The following GHR variants were observed in gnomAD, a reference collection of about 807,000 sequenced individuals.
GHR encodes growth hormone receptor.
GHR carries 35 observed loss-of-function variants against 67.1 expected under a neutral mutation model. The ratio of observed to expected loss-of-function variants is 0.52; its 90% confidence interval spans 0.40 to 0.69. The LOEUF is 0.69. Among genes scored for constraint, GHR ranks in the 30% least tolerant of loss-of-function variants. GHR has a pLI of 0.00. For synonymous variants in GHR, 272 were observed against 269.1 expected, an observed-to-expected ratio of 1.01 and a Z score of -0.10; for missense variants, 792 against 764.6, an observed-to-expected ratio of 1.04 and a Z score of -0.42.
chr5:42,518,189 T>C (rs1456791714), intron 1 of GHR, among the ~76,000 whole-genome samples: 1 of 146,968 alleles, frequency 6.8e-6, no homozygotes, highest in Non-Finnish European at 1.5e-5. Flanking sequence ...TGATTAATGA[T>C]AGTATTAATA....
At chr5:42,688,246 T>C (rs534215568) in intron 3 of GHR, among the ~76,000 whole-genome samples, 6 of 152,338 alleles carry the variant, frequency 3.9e-5, no homozygotes, top group African/African-American at 1.2e-4. Flanking sequence ...ATGGTGTCCA[T>C]TTGCCACTAT....
rs533431497 is a variant in GHR at position 42,635,924 on chromosome 5, T to A, written c.136+6821T>A. ...TAATCTTAGAAGTGAGTAAAAAAAATTTTAGGCCAGACGCGGTGGCTCATG... is the reference window on the plus strand; with the variant it reads ...TAATCTTAGAAGTGAGTAAAAAAAAATTTAGGCCAGACGCGGTGGCTCATG... On this transcript the variant is annotated intron_variant, in intron 3 of 9. Transcript: ENST00000230882. Among the ~76,000 whole-genome samples the A allele has an allele frequency of 1.9e-3, 294 of 152,056 alleles. 1 individual carries two copies. The highest frequency in any genetic ancestry group is 8.7e-3 in the South Asian group (42 of 4,810).
intron 3 of GHR, among the ~76,000 whole-genome samples, chr5:42,663,287 AC>A (rs1396144177): frequency 2.0e-5 from 3 of 152,198 alleles, no homozygotes; most frequent in Admixed American, 6.5e-5. Flanking sequence ...CAGAGACACA[AC>A]CAAAAAAGAG....
At chr5:42,433,526 G>A (rs1743186470) in intron 1 of GHR, among the ~76,000 whole-genome samples, 1 of 151,938 alleles carries the variant, frequency 6.6e-6, no homozygotes, top group South Asian at 2.1e-4. Context: ...TTAGTACCAA[G>A]CATTCAAGCT....
intron 1 of GHR, among the ~76,000 whole-genome samples, chr5:42,509,046 G>A (rs554057431): frequency 6.6e-6 from 1 of 152,254 alleles, no homozygotes; most frequent in Admixed American, 6.5e-5. Context: ...TTTAGCAGCT[G>A]ACAACAAATA....
intron 8 of GHR, among the ~76,000 whole-genome samples, chr5:42,716,361 GA>G (rs1758723450): frequency 6.6e-6 from 1 of 152,168 alleles, no homozygotes; most frequent in Non-Finnish European, 1.5e-5. Context: ...AGGATTAAGT[GA>G]AATGTTTAGT....
At chr5:42,591,176 C>T (rs1236811339) in intron 2 of GHR, among the ~76,000 whole-genome samples, 1 of 152,238 alleles carries the variant, frequency 6.6e-6, no homozygotes, top group Non-Finnish European at 1.5e-5. Flanking sequence ...GCCGAGGAAA[C>T]AGCTGTGACA....
At chr5:42,460,907 C>G (rs1165299755) in intron 1 of GHR, among the ~76,000 whole-genome samples, 1 of 152,160 alleles carries the variant, frequency 6.6e-6, no homozygotes, top group Non-Finnish European at 1.5e-5. Flanking sequence ...TCTTCTAGGA[C>G]CTAATGTAAT....
intron 1 of GHR, among the ~76,000 whole-genome samples, chr5:42,515,589 G>T (rs1042082808): frequency 6.6e-6 from 1 of 152,226 alleles, no homozygotes; most frequent in Non-Finnish European, 1.5e-5. Context: ...TCTTAATTAA[G>T]ATCCCAATTT....
Position 42,663,276 on chromosome 5 carries a change from G to A in GHR, c.137-25614G>A, listed in dbSNP as rs141107567. On this transcript the variant is annotated intron_variant, in intron 3 of 9. Coordinates refer to ENST00000230882, the MANE Select transcript of GHR (RefSeq NM_000163.5). ...AGCATCATCCTGATACCAAAGCCTG[G>A]CAGAGACACAACCAAAAAAGAGAAT... Among the ~76,000 whole-genome samples, 775 of 152,270 alleles carry A rather than the reference G, an allele frequency of 5.1e-3. 5 individuals are homozygous for A. Among genetic ancestry groups the A allele is most frequent in the African/African-American group, 0.017 (698 of 41,560 alleles).
intron 1 of GHR, chr5:42,467,583 T>C: frequency 1.9e-6 from 3 of 1,590,246 alleles, no homozygotes; most frequent in Middle Eastern, 1.8e-4. Flanking sequence ...TTTTTTGATA[T>C]ACAGTCAGAT....
chr5:42,632,391 T>C (rs1168466042), intron 3 of GHR, among the ~76,000 whole-genome samples: 1 of 152,172 alleles, frequency 6.6e-6, no homozygotes, highest in Non-Finnish European at 1.5e-5. Flanking sequence ...GATATTTCAG[T>C]AGCTCTGGAG....
At chr5:42,523,890 G>A (rs921001408) in intron 1 of GHR, among the ~76,000 whole-genome samples, 1 of 152,050 alleles carries the variant, frequency 6.6e-6, no homozygotes, top group South Asian at 2.1e-4. Flanking sequence ...TTTATCAGGG[G>A]TTTCCACTTT....
At chr5:42,464,010 A>G (rs1369060093) in intron 1 of GHR, among the ~76,000 whole-genome samples, 11 of 142,590 alleles carry the variant, frequency 7.7e-5, no homozygotes, top group East Asian at 1.9e-4. Context: ...AAAAAAAAAA[A>G]AAAAAAGAAA....
chr5:42,706,925 T>C (rs1229285638), intron 6 of GHR, among the ~76,000 whole-genome samples: 2 of 152,114 alleles, frequency 1.3e-5, no homozygotes. Flanking sequence ...CTGTGAAAAA[T>C]TACATTGATA....
intron 3 of GHR, chr5:42,647,733 G>A (rs994073630): frequency 4.6e-6 from 2 of 436,558 alleles, no homozygotes; most frequent in African/African-American, 4.1e-5. Flanking sequence ...AGGAAATCTA[G>A]CTTAGAAAAA....
intron 1 of GHR, among the ~76,000 whole-genome samples, chr5:42,454,769 C>T (rs1744190392): frequency 6.6e-6 from 1 of 152,110 alleles, no homozygotes; most frequent in Admixed American, 6.5e-5. Flanking sequence ...CTCAGTCTTA[C>T]TCCAGGCCAT....
At chr5:42,622,867 T>C (rs1402318139) in intron 2 of GHR, among the ~76,000 whole-genome samples, 1 of 152,120 alleles carries the variant, frequency 6.6e-6, no homozygotes, top group Non-Finnish European at 1.5e-5. Context: ...CTCCACCAAC[T>C]CATTTGCCAA....
At chr5:42,538,437 C>T (rs1342571145) in intron 1 of GHR, among the ~76,000 whole-genome samples, 1 of 152,146 alleles carries the variant, frequency 6.6e-6, no homozygotes, top group African/African-American at 2.4e-5. Context: ...ATATATGATG[C>T]TTAGCTTGCT....
Sources: allele counts gnomAD v4.1 joint callset (sites outside exome capture counted in the v4.1 genomes callset), GRCh38; gene constraint gnomAD v4.1.1; transcripts MANE v1.5; gene names NCBI Gene and HGNC (gene_info 2026-07-23, HGNC 2026-07-21).